FBXL7: variants seen among roughly 807,000 people sequenced by gnomAD.
FBXL7 encodes F-box/LRR-repeat protein 7.
In FBXL7, 12 loss-of-function variants were observed where a neutral mutation model predicts 38.3. That is an observed-to-expected ratio of 0.31 (90% CI 0.20 to 0.51). The LOEUF is 0.51. FBXL7 is among the 20% of genes least tolerant of loss of function. FBXL7 has a pLI of 0.98. For missense variants in FBXL7, 567 were observed against 676.4 expected (o/e 0.84, Z 1.79); for synonymous variants, 297 against 300.9 (o/e 0.99, Z 0.13).
chr5:15,526,278 G>A (rs1018464846), intron 1 of FBXL7, among the ~76,000 whole-genome samples: 36 of 152,076 alleles, frequency 2.4e-4, no homozygotes, highest in Admixed American at 1.5e-3. Flanking sequence ...TGGTGGGCTG[G>A]CACAGTGATC....
intron 1 of FBXL7, among the ~76,000 whole-genome samples, chr5:15,504,185 T>C (rs1736580115): frequency 6.6e-6 from 1 of 152,242 alleles, no homozygotes; most frequent in Non-Finnish European, 1.5e-5. Flanking sequence ...TCCGGGGTGT[T>C]TGTTCTCTAA....
chr5:15,688,175 G>A (rs77887104), intron 2 of FBXL7, among the ~76,000 whole-genome samples: 13,571 of 151,792 alleles, frequency 0.089, 744 homozygotes, highest in South Asian at 0.15. Flanking sequence ...TATATATGTC[G>A]GTTATTATCT....
At chr5:15,775,153 A>G (rs1736826852) in intron 2 of FBXL7, among the ~76,000 whole-genome samples, 1 of 152,230 alleles carries the variant, frequency 6.6e-6, no homozygotes, top group South Asian at 2.1e-4. Flanking sequence ...GAACAGTGCA[A>G]AGGATGTGCA....
At chr5:15,840,036 T>C (rs981699408) in intron 2 of FBXL7, among the ~76,000 whole-genome samples, 1 of 152,252 alleles carries the variant, frequency 6.6e-6, no homozygotes, top group African/African-American at 2.4e-5. Flanking sequence ...GGATATCTTC[T>C]GTCTTTATGT....
At chr5:15,616,170 A>G (rs1029793335) in intron 2 of FBXL7, 98 bp downstream of exon 2, 7 of 770,002 alleles carry the variant, frequency 9.1e-6, no homozygotes, top group Non-Finnish European at 1.5e-5. Context: ...TATTCTCCTG[A>G]GTGGGAGCAT....
intron 2 of FBXL7, among the ~76,000 whole-genome samples, chr5:15,664,068 T>C (rs193179836): frequency 1.3e-5 from 2 of 152,336 alleles, no homozygotes; most frequent in Non-Finnish European, 2.9e-5. Context: ...ATTATTTTGC[T>C]GTTGTTTTTA....
rs193282021 is a variant in FBXL7, at chr5:15,875,103, A to G, written c.128-52787A>G. 8.4e-4 allele frequency among the ~76,000 whole-genome samples: 128 copies of G among 151,912 alleles called. 1 individual carries two copies. The highest frequency in any genetic ancestry group is 1.6e-3 in the Non-Finnish European group (106 of 67,932). On this transcript the variant is annotated intron_variant, in intron 2 of 3. Transcript: ENST00000504595. ...GGAACAGAACAGAGGCCTCAGAAATAACGTCACACATCTACACACATCTGA... is the reference window on the plus strand; with the variant it reads ...GGAACAGAACAGAGGCCTCAGAAATGACGTCACACATCTACACACATCTGA...
At chr5:15,712,788 A>G (rs1743918297) in intron 2 of FBXL7, among the ~76,000 whole-genome samples, 1 of 152,156 alleles carries the variant, frequency 6.6e-6, no homozygotes, top group African/African-American at 2.4e-5. Context: ...AACATGGGAC[A>G]CGTGGAAGGA....
intron 2 of FBXL7, among the ~76,000 whole-genome samples, chr5:15,733,247 C>G (rs1425357013): frequency 6.6e-6 from 1 of 152,132 alleles, no homozygotes; most frequent in Admixed American, 6.5e-5. Flanking sequence ...CACCCGCCAC[C>G]ACGCCCGGCT....
chr5:15,504,956 G>C (rs1385243038), intron 1 of FBXL7, among the ~76,000 whole-genome samples: 1 of 152,128 alleles, frequency 6.6e-6, no homozygotes, highest in Non-Finnish European at 1.5e-5. Flanking sequence ...TTGCAAAGCC[G>C]AGGACATTGT....
At chr5:15,663,234 G>A (rs1344456073) in intron 2 of FBXL7, among the ~76,000 whole-genome samples, 1 of 152,054 alleles carries the variant, frequency 6.6e-6, no homozygotes, top group Non-Finnish European at 1.5e-5. Context: ...TTAGCTGTAT[G>A]CCTAGCTATT....
chr5:15,778,724 G>A (rs147274093), intron 2 of FBXL7, among the ~76,000 whole-genome samples: 1 of 152,132 alleles, frequency 6.6e-6, no homozygotes, highest in East Asian at 1.9e-4. Context: ...CCCCTTCATA[G>A]AACACAGGTA....
At chr5:15,660,186 A>G (rs1213329014) in intron 2 of FBXL7, among the ~76,000 whole-genome samples, 1 of 152,182 alleles carries the variant, frequency 6.6e-6, no homozygotes. Flanking sequence ...TGGTAGAAAC[A>G]TCTTGATTCT....
intron 2 of FBXL7, among the ~76,000 whole-genome samples, chr5:15,749,344 C>T (rs1335970512): frequency 3.3e-5 from 5 of 151,586 alleles, no homozygotes; most frequent in East Asian, 3.9e-4. Flanking sequence ...TGTGTATCCT[C>T]GGCTGGGTGC....
chr5:15,922,291 G>A (rs1336589791), intron 2 of FBXL7, among the ~76,000 whole-genome samples: 1 of 152,032 alleles, frequency 6.6e-6, no homozygotes, highest in Non-Finnish European at 1.5e-5. Flanking sequence ...TGTTCTGGAA[G>A]TTTTTTATGT....
chr5:15,685,122 G>A (rs1742976026), intron 2 of FBXL7, among the ~76,000 whole-genome samples: 2 of 152,046 alleles, frequency 1.3e-5, no homozygotes. Flanking sequence ...ATAGACAGAA[G>A]TATCTCTTTC....
intron 2 of FBXL7, among the ~76,000 whole-genome samples, chr5:15,773,754 C>T (rs369039541): frequency 1.1e-4 from 16 of 152,032 alleles, no homozygotes; most frequent in South Asian, 2.1e-4. Flanking sequence ...TTTATAATAT[C>T]GTAGGGAGGG....
chr5:15,622,080 A>T (rs1406246076), intron 2 of FBXL7, among the ~76,000 whole-genome samples: 2 of 152,154 alleles, frequency 1.3e-5, no homozygotes, highest in Non-Finnish European at 2.9e-5. Flanking sequence ...AACATGATAA[A>T]ATGTATAATA....
At chr5:15,709,530 TC>T (rs1363320017) in intron 2 of FBXL7, among the ~76,000 whole-genome samples, 2 of 147,104 alleles carry the variant, frequency 1.4e-5, no homozygotes, top group African/African-American at 5.1e-5. Flanking sequence ...CAAGACTCTG[TC>T]TCAAAAAAAG....
Sources: allele counts gnomAD v4.1 joint callset (sites outside exome capture counted in the v4.1 genomes callset), GRCh38; gene constraint gnomAD v4.1.1; transcripts MANE v1.5; gene names NCBI Gene and HGNC (gene_info 2026-07-23, HGNC 2026-07-21).